The following LIPH variants were observed in gnomAD, a reference collection of about 807,000 sequenced individuals.
The protein encoded by LIPH is lipase member H.
Under a neutral mutation model 47.6 loss-of-function variants are expected in LIPH, and 32 were observed. The ratio of observed to expected loss-of-function variants is 0.67; its 90% CI spans 0.51 to 0.90. The LOEUF is 0.90. Ranked by LOEUF, LIPH falls within the 40% of genes least tolerant of loss-of-function variation. The pLI is 0.00. For synonymous variants in LIPH, 190 were observed against 195.6 expected, an observed-to-expected ratio of 0.97 and a Z score of 0.24; for missense variants, 497 against 541.4, an observed-to-expected ratio of 0.92 and a Z score of 0.81.
At position 185,507,747 on chromosome 3, in the gene LIPH, CA is replaced by C. The variant is rs1432077853; in HGVS notation, c.*1042del. ...GGCAAAATAGGTGACAGCCTTGTTC[CA>C]AAAGGCTAACATTAATTACCTCTAA... On this transcript the variant is annotated 3_prime_UTR_variant, in exon 10 of 10. Coordinates refer to ENST00000296252, the MANE Select transcript of LIPH (RefSeq NM_139248.3). 1 of 152,158 alleles carries C rather than the reference CA, an allele frequency of 6.6e-6. No homozygotes were observed. The highest frequency in any genetic ancestry group is 1.5e-5 in the Non-Finnish European group (1 of 68,034). 9.4% of individuals were successfully genotyped at this position (152,158 alleles called of 1,614,324 possible).
At position 185,508,487 on chromosome 3, in the gene LIPH, G is replaced by A. The variant is rs971365684; in HGVS notation, c.*303C>T. The A allele has an allele frequency of 7.2e-5, 28 of 386,272 alleles. No homozygotes were observed. Among genetic ancestry groups the A allele is most frequent in the Middle Eastern group, 8.2e-4 (1 of 1,218 alleles). 23.9% of individuals were successfully genotyped at this position (386,272 alleles called of 1,614,324 possible). ...GCAGCCGCGATGGGCAGAACCACCCGCGTGACAGGCAGCAGAATTGACAGG... is the reference window on the plus strand; with the variant it reads ...GCAGCCGCGATGGGCAGAACCACCCACGTGACAGGCAGCAGAATTGACAGG... On this transcript the variant is annotated 3_prime_UTR_variant, in exon 10 of 10. Transcript: ENST00000296252.
intron 1 of LIPH, 108 bp downstream of exon 1, chr3:185,552,315 C>T (rs1721074091): frequency 1.3e-6 from 1 of 743,042 alleles, no homozygotes; most frequent in East Asian, 2.6e-5. Context: ...AAAAACGACT[C>T]TATGGACTTA....
intron 8 of LIPH, among the ~76,000 whole-genome samples, chr3:185,513,803 A>C (rs748333264): frequency 6.6e-6 from 1 of 152,136 alleles, no homozygotes; most frequent in Non-Finnish European, 1.5e-5. Flanking sequence ...CACTTTGGGA[A>C]GCCGAGGCGG....
At chr3:185,546,696 G>A (rs1302421006) in intron 1 of LIPH, among the ~76,000 whole-genome samples, 1 of 152,170 alleles carries the variant, frequency 6.6e-6, no homozygotes, top group Non-Finnish European at 1.5e-5. Context: ...GCTACACTGA[G>A]CCTGTGGCAG....
At chr3:185,527,375 A>C (rs1296772183) in intron 4 of LIPH, 109 bp downstream of exon 4, 1 of 860,626 alleles carries the variant, frequency 1.2e-6, no homozygotes, top group African/African-American at 1.7e-5. Context: ...CTGGAAAAAA[A>C]AGTTAGAATC....
chr3:185,506,862 C>G lies in LIPH; in HGVS notation c.*1928G>C, dbSNP rs1402444726. On this transcript the variant is annotated 3_prime_UTR_variant, in exon 10 of 10. Coordinates refer to ENST00000296252, the MANE Select transcript of LIPH (RefSeq NM_139248.3). ...AAAAAAAAAAAAAAAAAAAAAAAAC[C>G]AGGGCCTACAGCACACTGATCTCTC... The G allele has an allele frequency of 8.6e-6, 1 of 116,912 alleles. No homozygotes were observed. The highest frequency in any genetic ancestry group is 3.1e-4 in the South Asian group (1 of 3,268). The allele number at this position is 116,912 out of a possible 1,614,324, so 7.2% of individuals were successfully genotyped here.
intron 4 of LIPH, among the ~76,000 whole-genome samples, chr3:185,527,279 A>T (rs1720137498): frequency 6.6e-6 from 1 of 152,014 alleles, no homozygotes; most frequent in African/African-American, 2.4e-5. Context: ...AGACCGTGGG[A>T]TAATCATCCA....
intron 3 of LIPH, among the ~76,000 whole-genome samples, chr3:185,531,532 G>T (rs1720330764): frequency 6.7e-6 from 1 of 150,248 alleles, no homozygotes; most frequent in African/African-American, 2.5e-5. Flanking sequence ...ACTCCAGCCT[G>T]GGCGACAGAG....
At chr3:185,526,295 T>C (rs1488372803) in intron 4 of LIPH, among the ~76,000 whole-genome samples, 1 of 151,476 alleles carries the variant, frequency 6.6e-6, no homozygotes. Flanking sequence ...CAAAGGCGGG[T>C]GGATCACCTG....
At chr3:185,538,882 T>TACATATATACATATATACACATATAC (rs1720604389) in intron 1 of LIPH, among the ~76,000 whole-genome samples, 1 of 137,124 alleles carries the variant, frequency 7.3e-6, no homozygotes, top group Non-Finnish European at 1.6e-5. Flanking sequence ...CACATATATA[T>TACATATATACATATATACACATATAC]ACATATATAC....
chr3:185,540,801 A>C (rs1033948202), intron 1 of LIPH, among the ~76,000 whole-genome samples: 1 of 152,086 alleles, frequency 6.6e-6, no homozygotes, highest in Non-Finnish European at 1.5e-5. Context: ...CCAGAAGTAG[A>C]CTACATGCAG....
chr3:185,516,087 T>G (rs1414648874), intron 7 of LIPH, among the ~76,000 whole-genome samples: 1 of 152,056 alleles, frequency 6.6e-6, no homozygotes, highest in Non-Finnish European at 1.5e-5. Flanking sequence ...TGCCCCATTA[T>G]TGTGCCACTG....
intron 3 of LIPH, among the ~76,000 whole-genome samples, chr3:185,533,178 T>C (rs1252734647): frequency 6.6e-6 from 1 of 152,132 alleles, no homozygotes; most frequent in East Asian, 1.9e-4. Flanking sequence ...CATCTCGTTT[T>C]CTTATGAGAC....
At chr3:185,517,850 A>C (rs1719779893) in intron 6 of LIPH, among the ~76,000 whole-genome samples, 1 of 152,180 alleles carries the variant, frequency 6.6e-6, no homozygotes, top group Non-Finnish European at 1.5e-5. Context: ...TTTGGAAAAA[A>C]AATAGAAAAT....
chr3:185,518,060 C>A (rs1235764027), intron 6 of LIPH, among the ~76,000 whole-genome samples: 1 of 152,082 alleles, frequency 6.6e-6, no homozygotes, highest in Non-Finnish European at 1.5e-5. Context: ...AGTCTCTGGG[C>A]TCATTGTGGA....
intron 7 of LIPH, 122 bp from the exon 8 acceptor site, chr3:185,514,643 T>G (rs1029866734): frequency 1.4e-6 from 1 of 708,414 alleles, no homozygotes; most frequent in South Asian, 1.5e-5. Flanking sequence ...CTCTCTGGTT[T>G]CTCTGCAAAG....
rs1361259312 is a variant in LIPH, at chr3:185,529,361, T to C, written c.527-1776A>G. Reference sequence around the variant, plus strand: ...ATATCTCCTATCCCCTGGTGTTACATATAAAATGCAAGAGTGTCTTTGCCT... The same window carrying C: ...ATATCTCCTATCCCCTGGTGTTACACATAAAATGCAAGAGTGTCTTTGCCT... On this transcript the variant is annotated intron_variant, in intron 3 of 9. Transcript: ENST00000296252. Among the ~76,000 whole-genome samples, 3 of 150,630 alleles carry C rather than the reference T, an allele frequency of 2.0e-5. No individual in the cohort carries two copies. The South Asian group carries it at 6.3e-4, about 32-fold the overall frequency.
chr3:185,512,056 G>A (rs1214188739), intron 8 of LIPH, among the ~76,000 whole-genome samples: 1 of 151,980 alleles, frequency 6.6e-6, no homozygotes, highest in Non-Finnish European at 1.5e-5. Flanking sequence ...CCGCAAGGGG[G>A]GCATTATTCT....
intron 2 of LIPH, 91 bp from the exon 3 acceptor site, chr3:185,533,770 T>A (rs1720414959): frequency 2.4e-6 from 2 of 817,754 alleles, no homozygotes; most frequent in East Asian, 4.9e-5. Flanking sequence ...TTTGGAGAAG[T>A]AATTCTAAGC....
Sources: allele counts gnomAD v4.1 joint callset (sites outside exome capture counted in the v4.1 genomes callset), GRCh38; gene constraint gnomAD v4.1.1; transcripts MANE v1.5; gene names NCBI Gene and HGNC (gene_info 2026-07-23, HGNC 2026-07-21).